The following CHAC2 variants were observed in gnomAD, a reference collection of about 807,000 sequenced individuals.
CHAC2 encodes ChaC glutathione specific gamma-glutamylcyclotransferase 2.
CHAC2 carries 20 observed loss-of-function variants against 16.9 expected under a neutral mutation model. The observed-to-expected ratio is 1.18, with a 90% CI of 0.83 to 1.72. The LOEUF is 1.72. Among genes scored for constraint, CHAC2 ranks in the 40% most tolerant of loss-of-function variants. CHAC2 has a pLI of 0.00. For missense variants in CHAC2, 269 were observed against 222.2 expected, an observed-to-expected ratio of 1.21 and a Z score of -1.34; for synonymous variants, 91 against 77.3, an observed-to-expected ratio of 1.18 and a Z score of -0.93.
chr2:53,768,351 C>T, intron 1 of CHAC2: 1 of 231,666 alleles, frequency 4.3e-6, no homozygotes, highest in South Asian at 1.5e-4. Flanking sequence ...AAAAAAAGTC[C>T]CATTGGCGGG....
At chr2:53,773,226 C>A (rs918209806) in intron 2 of CHAC2, among the ~76,000 whole-genome samples, 1 of 151,618 alleles carries the variant, frequency 6.6e-6, no homozygotes, top group Non-Finnish European at 1.5e-5. Flanking sequence ...TTTTAATGAC[C>A]AAGTGAAAGG....
In CHAC2 at chr2:53,774,247, A is replaced by AT. The variant is rs1445360688; in HGVS notation, c.283dup (p.Tyr95LeufsTer20). On this transcript the variant is annotated frameshift_variant, in exon 3 of 3. Transcript: ENST00000295304. LOFTEE classifies it high-confidence loss of function. Reference sequence around the variant, plus strand: ...AGGAGGCTACAGAACCACAACAGTCATTTTTTATCCAAAAGATCCCACAAC... The same window carrying AT: ...AGGAGGCTACAGAACCACAACAGTCATTTTTTTATCCAAAAGATCCCACAAC... 5.6e-6 allele frequency: 9 copies of AT among 1,614,154 alleles called. 1 individual carries two copies. The African/African-American group carries it at 1.2e-4, about 22-fold the overall frequency.
chr2:53,773,436 A>G (rs957175924), intron 2 of CHAC2, among the ~76,000 whole-genome samples: 1 of 151,650 alleles, frequency 6.6e-6, no homozygotes, highest in Non-Finnish European at 1.5e-5. Flanking sequence ...ACTTTTATTT[A>G]TTTTTTATTT....
At chr2:53,771,320 G>T (rs1316864954) in intron 1 of CHAC2, among the ~76,000 whole-genome samples, 2 of 152,072 alleles carry the variant, frequency 1.3e-5, no homozygotes, top group African/African-American at 4.8e-5. Flanking sequence ...TTCCATACCA[G>T]CCTGGCCAAC....
intron 1 of CHAC2, among the ~76,000 whole-genome samples, chr2:53,770,498 T>TAAAA (rs76201682): frequency 2.7e-5 from 3 of 110,548 alleles, no homozygotes; most frequent in African/African-American, 6.8e-5. Flanking sequence ...GAAGTTTATT[T>TAAAA]AAAAAAAAAA....
chr2:53,773,629 C>T (rs1031719786), intron 2 of CHAC2, among the ~76,000 whole-genome samples: 5 of 151,890 alleles, frequency 3.3e-5, no homozygotes, highest in Non-Finnish European at 7.4e-5. Flanking sequence ...CGGGGTTTCA[C>T]CATCTTGGCC....
intron 2 of CHAC2, among the ~76,000 whole-genome samples, chr2:53,772,323 C>T (rs944921464): frequency 3.9e-5 from 6 of 152,018 alleles, no homozygotes; most frequent in East Asian, 1.9e-4. Flanking sequence ...TACAGGCGCC[C>T]GCCACCATGT....
chr2:53,768,063 C>A, intron 1 of CHAC2, 42 bp downstream of exon 1: 1 of 1,605,030 alleles, frequency 6.2e-7, no homozygotes, highest in Non-Finnish European at 8.5e-7. Context: ...GCCCCCTGAC[C>A]CCTGCTCCCC....
Position 53,767,858 on chromosome 2 carries a change from G to T in CHAC2, c.-29G>T. On this transcript the variant is annotated 5_prime_UTR_variant, in exon 1 of 3. Transcript: ENST00000295304. ...CGGCGCGGCGACAGCTAGGGTTCAC[G>T]GCCACTGGGGCAGAGGAGCCGCGAG... 1 of 1,587,754 alleles carries T rather than the reference G, an allele frequency of 6.3e-7. No individual in the cohort carries two copies. Among genetic ancestry groups the T allele is most frequent in the Non-Finnish European group, 8.6e-7 (1 of 1,166,850 alleles).
At chr2:53,771,205 A>G (rs1485733618) in intron 1 of CHAC2, among the ~76,000 whole-genome samples, 1 of 152,136 alleles carries the variant, frequency 6.6e-6, no homozygotes, top group African/African-American at 2.4e-5. Context: ...CCTTTATGTC[A>G]TATTTTTTTT....
Position 53,774,440 on chromosome 2 carries a change from CAGA to C in CHAC2, c.476_478del (p.Glu159del), listed in dbSNP as rs757519102. 41 of 1,608,118 alleles carry C rather than the reference CAGA, an allele frequency of 2.5e-5. No individual in the cohort carries two copies. Among genetic ancestry groups the C allele is most frequent in the African/African-American group, 1.5e-4 (11 of 74,556 alleles). On this transcript the variant is annotated inframe_deletion, in exon 3 of 3. Coordinates refer to ENST00000295304, the MANE Select transcript of CHAC2 (RefSeq NM_001008708.4). Reference sequence around the variant, plus strand: ...GCAAATTCTATTAGGAACCTTGTGCCAGAAGAAGCAGATGAGCATCTTTTCGCT... The same window carrying C: ...GCAAATTCTATTAGGAACCTTGTGCCAGAAGCAGATGAGCATCTTTTCGCT...
rs1482454745 is a variant in CHAC2, at chr2:53,767,826, T to C, written c.-61T>C. On this transcript the variant is annotated 5_prime_UTR_variant, in exon 1 of 3. Coordinates refer to ENST00000295304, the MANE Select transcript of CHAC2 (RefSeq NM_001008708.4). Reference sequence around the variant, plus strand: ...GTTACTCGCTTACCGGAGGCTTCAGTCCCCGGCGGCGCGGCGACAGCTAGG... The same window carrying C: ...GTTACTCGCTTACCGGAGGCTTCAGCCCCCGGCGGCGCGGCGACAGCTAGG... 3.9e-6 allele frequency: 6 copies of C among 1,549,876 alleles called. No individual in the cohort carries two copies. The highest frequency in any genetic ancestry group is 5.2e-6 in the Non-Finnish European group (6 of 1,144,400).
In CHAC2 at chr2:53,774,494, T is replaced by A. The variant is rs762014462; in HGVS notation, c.524T>A (p.Leu175Ter). ...FALEKLVKER[L>*]EGKQNLNCI Reference sequence around the variant, plus strand: ...TTGGAAAAATTAGTAAAGGAACGTTTAGAAGGGAAACAGAACCTCAATTGC... The same window carrying A: ...TTGGAAAAATTAGTAAAGGAACGTTAAGAAGGGAAACAGAACCTCAATTGC... The change falls in exon 3 of 3, where the codon TTA (leucine) becomes TAA (stop). Residue 175 changes from leucine to a stop codon, truncating the protein, a stop_gained. Transcript: ENST00000295304. LOFTEE classifies it high-confidence loss of function. The A allele has an allele frequency of 1.9e-6, 3 of 1,569,050 alleles. No individual in the cohort carries two copies. The highest frequency in any genetic ancestry group is 2.0e-5 in the Admixed American group (1 of 50,688).
At position 53,772,895 on chromosome 2, in the gene CHAC2, G is replaced by A. The variant is rs541372640; in HGVS notation, c.171+953G>A. On this transcript the variant is annotated intron_variant, in intron 2 of 2. Coordinates refer to ENST00000295304, the MANE Select transcript of CHAC2 (RefSeq NM_001008708.4). ...CTCCACCCTCCCGTAGACCCCAGTA[G>A]AACCTGTGATTTTAAAACTGGTTTG... Among the ~76,000 whole-genome samples, 184 of 151,814 alleles carry A rather than the reference G, an allele frequency of 1.2e-3. 1 individual carries two copies. Among genetic ancestry groups the A allele is most frequent in the Middle Eastern group, 3.2e-3 (1 of 314 alleles).
chr2:53,773,393 T>C (rs925389894), intron 2 of CHAC2, among the ~76,000 whole-genome samples: 1 of 151,340 alleles, frequency 6.6e-6, no homozygotes, highest in African/African-American at 2.5e-5. Flanking sequence ...AGTATGTTCT[T>C]CTGTGCACTT....
At chr2:53,768,983 C>G (rs959927716) in intron 1 of CHAC2, among the ~76,000 whole-genome samples, 4 of 152,182 alleles carry the variant, frequency 2.6e-5, no homozygotes, top group African/African-American at 9.7e-5. Context: ...CGAAAAGAAC[C>G]TGAATTAGAA....
In CHAC2 at chr2:53,774,886, T is replaced by A. The variant is rs764123225; in HGVS notation, c.*361T>A. The A allele has an allele frequency of 5.9e-6, 1 of 168,494 alleles. No homozygotes were observed. The highest frequency in any genetic ancestry group is 1.3e-5 in the Non-Finnish European group (1 of 78,570). The allele number at this position is 168,494 out of a possible 1,614,324, so 10.4% of individuals were successfully genotyped here. On this transcript the variant is annotated 3_prime_UTR_variant, in exon 3 of 3. Transcript: ENST00000295304. ...AATTAAACCAAAATTCCAATAAATA[T>A]AAGGTTATGCCTTCAATATATTCCT...
In CHAC2 at chr2:53,774,055, T is replaced by A. The variant is rs1442595552; in HGVS notation, c.172-87T>A. 16 of 1,330,946 alleles carry A rather than the reference T, an allele frequency of 1.2e-5. No homozygotes were observed. The East Asian group carries it at 3.7e-4, about 31-fold the overall frequency. 82.4% of individuals were successfully genotyped at this position (1,330,946 alleles called of 1,614,324 possible). A position where few individuals can be genotyped will look rare whatever the true frequency, so the allele number is the denominator to read the frequency against. On this transcript the variant is annotated intron_variant, in intron 2 of 2. Coordinates refer to ENST00000295304, the MANE Select transcript of CHAC2 (RefSeq NM_001008708.4). ...TCTCAAAAACAAACAGAAAAGAATA[T>A]ATGAGATACTCCCTTAGATCACAAC...
chr2:53,772,167 T>C (rs1673968640), intron 2 of CHAC2, among the ~76,000 whole-genome samples: 1 of 148,030 alleles, frequency 6.8e-6, no homozygotes, highest in Non-Finnish European at 1.5e-5. Flanking sequence ...AAATAGCATG[T>C]AGTTTTCGTT....
Sources: gnomAD v4.1 joint callset for allele counts (sites outside exome capture counted in the v4.1 genomes callset) on GRCh38, gnomAD v4.1.1 for gene constraint, MANE v1.5 for transcripts, NCBI Gene and HGNC (gene_info 2026-07-23, HGNC 2026-07-21) for gene names.